ARPP21: variants seen among roughly 807,000 people sequenced by gnomAD.
The protein encoded by ARPP21 is cAMP regulated phosphoprotein 21.
Under a neutral mutation model 113.2 loss-of-function variants are expected in ARPP21, and 69 were observed. The observed-to-expected ratio is 0.61, with a 90% CI of 0.50 to 0.74. ARPP21 has a LOEUF of 0.74. Ranked by LOEUF, ARPP21 falls within the 30% of genes least tolerant of loss-of-function variation. ARPP21 has a pLI of 0.00. For synonymous variants in ARPP21, 368 were observed against 375.5 expected, an observed-to-expected ratio of 0.98 and a Z score of 0.23; for missense variants, 1,070 against 1,037.4, an observed-to-expected ratio of 1.03 and a Z score of -0.43.
At chr3:35,679,336 C>G (rs1171726821) in intron 1 of ARPP21, among the ~76,000 whole-genome samples, 1 of 151,732 alleles carries the variant, frequency 6.6e-6, no homozygotes. Context: ...ATTCAGGTAG[C>G]TTTCATAAAG....
chr3:35,644,349 A>G (rs1223100954), intron 1 of ARPP21, among the ~76,000 whole-genome samples: 1 of 151,918 alleles, frequency 6.6e-6, no homozygotes, highest in Non-Finnish European at 1.5e-5. Context: ...TTGTATTTAT[A>G]TCATAACCAA....
intron 19 of ARPP21, among the ~76,000 whole-genome samples, chr3:35,763,882 G>A (rs1189554043): frequency 6.6e-6 from 1 of 151,984 alleles, no homozygotes; most frequent in Non-Finnish European, 1.5e-5. Context: ...ATTATTTTCA[G>A]GCCGGGCATG....
intron 1 of ARPP21, among the ~76,000 whole-genome samples, chr3:35,668,026 GAA>G (rs1559550761): frequency 7.6e-4 from 110 of 143,962 alleles, no homozygotes; most frequent in African/African-American, 2.7e-3. Flanking sequence ...AGAAGAAGAA[GAA>G]GAAGGAGAAG....
chr3:35,688,743 G>A (rs559115459), intron 6 of ARPP21, among the ~76,000 whole-genome samples: 47 of 151,716 alleles, frequency 3.1e-4, no homozygotes, highest in African/African-American at 1.1e-3. Flanking sequence ...GTATATGACA[G>A]TAAAGAAGTT....
intron 19 of ARPP21, among the ~76,000 whole-genome samples, chr3:35,752,703 A>T (rs2095441408): frequency 6.6e-6 from 1 of 152,106 alleles, no homozygotes; most frequent in South Asian, 2.1e-4. Context: ...GCAAACTCCC[A>T]GGTGATGCTG....
rs141571553 is a variant in ARPP21 at position 35,648,203 on chromosome 3, G to T, written c.-213+7805G>T. 5.4e-3 allele frequency among the ~76,000 whole-genome samples: 824 copies of T among 152,184 alleles called. 6 individuals are homozygous for T. Among genetic ancestry groups the T allele is most frequent in the African/African-American group, 0.019 (787 of 41,544 alleles). On this transcript the variant is annotated intron_variant, in intron 1 of 20. Coordinates refer to ENST00000684406, the MANE Select transcript of ARPP21 (RefSeq NM_001385562.1). ...CATAAGGAACATGATGCTTAACAAG[G>T]CCATAATCTTCTGCCAGTTTGTAAG...
In ARPP21 at chr3:35,762,992, G is replaced by A. The variant is rs77666457; in HGVS notation, c.2137+19027G>A. ...GACACACCAGGTCTTCTGAGTATTA[G>A]AAGAATATTTTAGACTTTTAAAATA... On this transcript the variant is annotated intron_variant, in intron 19 of 20. Transcript: ENST00000684406. 8.5e-5 allele frequency among the ~76,000 whole-genome samples: 13 copies of A among 152,204 alleles called. No individual in the cohort carries two copies. The East Asian group carries it at 2.5e-3, about 29-fold the overall frequency.
chr3:35,787,357 T>C lies in ARPP21; in HGVS notation c.2138-5025T>C, dbSNP rs373666133. Among the ~76,000 whole-genome samples, 7 of 152,346 alleles carry C rather than the reference T, an allele frequency of 4.6e-5. No individual in the cohort carries two copies. In the East Asian group the frequency reaches 1.3e-3, roughly 29 times the overall value. On this transcript the variant is annotated intron_variant, in intron 19 of 20. Transcript: ENST00000684406. The stretch of plus-strand genomic sequence containing the variant: ...ATTAAGCTATTTGCACATTTCAAGA[T>C]TTTAAGATTATTTCGAGAAAACAAA...
chr3:35,766,780 T>A (rs2095995182), intron 19 of ARPP21, among the ~76,000 whole-genome samples: 1 of 152,178 alleles, frequency 6.6e-6, no homozygotes, highest in Admixed American at 6.6e-5. Context: ...TAAATTGTAA[T>A]GCACCATCAC....
intron 11 of ARPP21, among the ~76,000 whole-genome samples, chr3:35,710,818 A>G (rs797012012): frequency 2.0e-5 from 3 of 152,324 alleles, no homozygotes; most frequent in African/African-American, 7.2e-5. Flanking sequence ...ATGGACAAAG[A>G]GAGGTCACTG....
chr3:35,783,056 C>T (rs962288881), intron 19 of ARPP21, among the ~76,000 whole-genome samples: 1 of 152,046 alleles, frequency 6.6e-6, no homozygotes, highest in Non-Finnish European at 1.5e-5. Flanking sequence ...TCTTGAAACA[C>T]TCCCCTACTT....
intron 11 of ARPP21, chr3:35,715,063 G>A (rs1429063113): frequency 5.1e-6 from 1 of 195,882 alleles, no homozygotes; most frequent in Non-Finnish European, 1.1e-5. Context: ...GCTTTGATTT[G>A]AACCCTTTCC....
chr3:35,674,624 T>C (rs1433345651), intron 1 of ARPP21, among the ~76,000 whole-genome samples: 2 of 151,848 alleles, frequency 1.3e-5, no homozygotes, highest in Admixed American at 1.3e-4. Flanking sequence ...CTATGAGTTA[T>C]AGGTGTGGAA....
intron 19 of ARPP21, among the ~76,000 whole-genome samples, chr3:35,786,049 T>G (rs990060321): frequency 6.6e-6 from 1 of 152,130 alleles, no homozygotes; most frequent in Non-Finnish European, 1.5e-5. Flanking sequence ...AAAAGAAAGT[T>G]AAAGGGAAAA....
intron 1 of ARPP21, among the ~76,000 whole-genome samples, chr3:35,664,243 G>A (rs977151236): frequency 5.9e-5 from 9 of 152,098 alleles, no homozygotes; most frequent in Admixed American, 3.9e-4. Flanking sequence ...TGTAATGATC[G>A]AATCAGAGTA....
At chr3:35,770,494 C>A (rs532783804) in intron 19 of ARPP21, among the ~76,000 whole-genome samples, 92 of 152,250 alleles carry the variant, frequency 6.0e-4, no homozygotes, top group African/African-American at 2.1e-3. Flanking sequence ...GTTCTTTTCA[C>A]CACAGGCAGA....
Position 35,743,938 on chromosome 3 carries a change from C to G in ARPP21, c.2110C>G (p.Gln704Glu), listed in dbSNP as rs536641473. 1 of 1,614,132 alleles carries G rather than the reference C, an allele frequency of 6.2e-7. No individual in the cohort carries two copies. Among genetic ancestry groups the G allele is most frequent in the South Asian group, 1.1e-5 (1 of 91,088 alleles). The change falls in exon 19 of 21, where the codon CAG (glutamine) becomes GAG (glutamate). Residue 704 changes from glutamine to glutamate, a missense_variant. Transcript: ENST00000684406. ...TCAGTACAACGCTCAGAGGAGTCAA[C>G]AGATGCCACAGGCAGCACAGCAAGC... ...PVQYNAQRSQQMPQAAQQAGY... is the reference protein window; with the variant it reads ...PVQYNAQRSQEMPQAAQQAGY...
chr3:35,728,264 G>A (rs1016201841), intron 14 of ARPP21, among the ~76,000 whole-genome samples: 4 of 140,174 alleles, frequency 2.9e-5, no homozygotes, highest in East Asian at 2.0e-4. Flanking sequence ...TGTCGCCCAG[G>A]CTGGAGTGCA....
intron 14 of ARPP21, among the ~76,000 whole-genome samples, chr3:35,725,687 C>CATTT (rs1169860015): frequency 6.6e-6 from 1 of 152,178 alleles, no homozygotes; most frequent in Non-Finnish European, 1.5e-5. Context: ...GACTTGTGAT[C>CATTT]TCTTTTTCTA....
Sources: gnomAD v4.1 joint callset for allele counts (sites outside exome capture counted in the v4.1 genomes callset) on GRCh38, gnomAD v4.1.1 for gene constraint, MANE v1.5 for transcripts, NCBI Gene and HGNC (gene_info 2026-07-23, HGNC 2026-07-21) for gene names.